RMP24: variants seen among roughly 807,000 people sequenced by gnomAD.
The protein encoded by RMP24 is ribonuclease MRP protein subunit p24.
the RMP24 span, among the ~76,000 whole-genome samples, chr18:35,975,733 G>T: frequency 6.6e-6 from 1 of 152,198 alleles, no homozygotes; most frequent in South Asian, 2.1e-4. Flanking sequence ...AACTGTTCAA[G>T]TGCCTGCTTA....
At chr18:35,978,270 C>A in the RMP24 span, among the ~76,000 whole-genome samples, 3 of 152,336 alleles carry the variant, frequency 2.0e-5, no homozygotes, top group Non-Finnish European at 4.4e-5. Context: ...CCCTATCTGG[C>A]ACCAGTCTGT....
At chr18:35,974,829 G>T in the RMP24 span, 1 of 1,350,614 alleles carries the variant, frequency 7.4e-7, no homozygotes, top group Non-Finnish European at 1.0e-6. Context: ...TTTTATAAAT[G>T]TTGACAGTTT....
the RMP24 span, chr18:35,978,735 C>T: frequency 9.6e-7 from 1 of 1,042,326 alleles, no homozygotes; most frequent in Non-Finnish European, 1.4e-6. Flanking sequence ...AATGATAATA[C>T]ACCGAGGATA....
the RMP24 span, chr18:35,979,208 T>A: frequency 2.3e-6 from 1 of 439,612 alleles, no homozygotes; most frequent in Non-Finnish European, 4.0e-6. Context: ...AAAAAATATA[T>A]GAAAGTTCCT....
the RMP24 span, chr18:35,978,693 C>T: frequency 1.5e-6 from 1 of 684,088 alleles, no homozygotes; most frequent in Non-Finnish European, 2.3e-6. Flanking sequence ...TCAGAAATTC[C>T]TGAGGAAATC....
chr18:35,976,138 A>ATTTTTTTTTTTTTTT, the RMP24 span, among the ~76,000 whole-genome samples: 4 of 72,766 alleles, frequency 5.5e-5, no homozygotes, highest in African/African-American at 5.3e-5. Flanking sequence ...TGTTTTTCTG[A>ATTTTTTTTTTTTTTT]TTTTTTTTTT....
the RMP24 span, chr18:35,975,102 T>C: frequency 6.2e-7 from 1 of 1,609,844 alleles, no homozygotes; most frequent in East Asian, 2.2e-5. Context: ...ATTGGTAAGA[T>C]TTCAGTTCCA....
the RMP24 span, chr18:35,972,700 G>A: frequency 3.1e-6 from 5 of 1,589,478 alleles, no homozygotes; most frequent in Non-Finnish European, 4.3e-6. Context: ...CCTGGTTCCC[G>A]CGGCGAGCCA....
chr18:35,978,872 T>G, the RMP24 span: 1 of 1,612,512 alleles, frequency 6.2e-7, no homozygotes, highest in Non-Finnish European at 8.5e-7. Context: ...TACTTGCTCC[T>G]CAAAGAACAC....
At chr18:35,972,959 C>T in the RMP24 span, 3 of 1,609,014 alleles carry the variant, frequency 1.9e-6, no homozygotes, top group East Asian at 2.2e-5. Flanking sequence ...CCCCGCTTTC[C>T]TCTGTTCCGC....
chr18:35,979,082 T>G, the RMP24 span: 1 of 1,367,930 alleles, frequency 7.3e-7, no homozygotes, highest in Non-Finnish European at 9.9e-7. Context: ...TTTGAATACA[T>G]GGAAACTAGA....
the RMP24 span, among the ~76,000 whole-genome samples, chr18:35,976,640 A>T: frequency 6.6e-6 from 1 of 152,146 alleles, no homozygotes; most frequent in Non-Finnish European, 1.5e-5. Flanking sequence ...GTTACTTTAG[A>T]CCTATGTTTA....
At chr18:35,976,585 G>A in the RMP24 span, among the ~76,000 whole-genome samples, 3 of 152,232 alleles carry the variant, frequency 2.0e-5, no homozygotes, top group Non-Finnish European at 2.9e-5. Flanking sequence ...GCTAATGATG[G>A]GAGTGGAGAG....
the RMP24 span, chr18:35,977,378 G>A: frequency 2.5e-6 from 4 of 1,574,120 alleles, no homozygotes; most frequent in Middle Eastern, 1.7e-4. Context: ...TAAGATAAAT[G>A]ACGGGACTGA....
chr18:35,976,756 C>T, the RMP24 span, among the ~76,000 whole-genome samples: 2 of 152,148 alleles, frequency 1.3e-5, no homozygotes, highest in African/African-American at 4.8e-5. Flanking sequence ...ATATTAAATG[C>T]TTACTGCTGT....
the RMP24 span, chr18:35,977,447 A>T: frequency 6.2e-7 from 1 of 1,613,940 alleles, no homozygotes. Flanking sequence ...ACAGTGAAAC[A>T]TCATGGTAAA....
chr18:35,977,524 AC>A, the RMP24 span: 2 of 1,614,198 alleles, frequency 1.2e-6, no homozygotes, highest in Non-Finnish European at 1.7e-6. Flanking sequence ...CAGCCTGAAG[AC>A]ACCAGAGAGA....
At chr18:35,977,251 C>A in the RMP24 span, among the ~76,000 whole-genome samples, 1 of 152,018 alleles carries the variant, frequency 6.6e-6, no homozygotes. Context: ...GTCTGATTCT[C>A]GCTACTAGAT....
the RMP24 span, chr18:35,977,484 G>T: frequency 6.2e-7 from 1 of 1,614,120 alleles, no homozygotes; most frequent in Non-Finnish European, 8.5e-7. Flanking sequence ...CAACATTGAA[G>T]AGCAATCCTG....
Sources: allele counts gnomAD v4.1 joint callset (sites outside exome capture counted in the v4.1 genomes callset), GRCh38; gene constraint gnomAD v4.1.1; transcripts MANE v1.5; gene names NCBI Gene and HGNC (gene_info 2026-07-23, HGNC 2026-07-21).